Variants in C7orf57 observed in about 807,000 individuals in gnomAD.
The protein encoded by C7orf57 is chromosome 7 open reading frame 57, also known as uncharacterized protein C7orf57.
A neutral mutation model predicts 39.0 loss-of-function variants in C7orf57; 33 were observed. That is an observed-to-expected ratio of 0.85 (90% CI 0.64 to 1.13). The LOEUF (loss-of-function observed/expected upper bound fraction) is 1.13, where lower values mean the gene tolerates loss of function less well. C7orf57 is among the 50% of genes most tolerant of loss of function. The pLI is 0.00. For synonymous variants in C7orf57, 124 were observed against 137.1 expected, an observed-to-expected ratio of 0.90 and a Z score of 0.67; for missense variants, 346 against 362.3, an observed-to-expected ratio of 0.95 and a Z score of 0.37.
chr7:48,052,665 T>C (rs748693929), intron 6 of C7orf57, 35 bp from the exon 7 acceptor site: 14 of 1,561,670 alleles, frequency 9.0e-6, no homozygotes, highest in East Asian at 4.5e-5. Flanking sequence ...TTAACCCTTG[T>C]ACTTAAGTTT....
chr7:48,053,033 A>G (rs754213193), intron 7 of C7orf57, 110 bp downstream of exon 7: 2 of 879,296 alleles, frequency 2.3e-6, no homozygotes, highest in Non-Finnish European at 3.7e-6. Context: ...AGTAACCCAA[A>G]AACCATGTGA....
At chr7:48,055,697 T>C (rs1383137290) in intron 8 of C7orf57, among the ~76,000 whole-genome samples, 1 of 152,202 alleles carries the variant, frequency 6.6e-6, no homozygotes, top group Non-Finnish European at 1.5e-5. Flanking sequence ...AGATTCCATA[T>C]ATGGCTGCAA....
At chr7:48,051,257 C>G (rs1790865587) in intron 6 of C7orf57, among the ~76,000 whole-genome samples, 1 of 151,674 alleles carries the variant, frequency 6.6e-6, no homozygotes, top group East Asian at 1.9e-4. Flanking sequence ...ACTCAGCTCA[C>G]AGCAGCCTCC....
rs769210792 is a variant in C7orf57 at position 48,049,962 on chromosome 7, T to G, written c.590T>G (p.Leu197Arg). 3 of 1,611,372 alleles carry G rather than the reference T, an allele frequency of 1.9e-6. No individual in the cohort carries two copies. The highest frequency in any genetic ancestry group is 2.5e-6 in the Non-Finnish European group (3 of 1,177,656). ...CCTAAGAATCCTGCAGGAAGTAGACTCTCCTTCCCCCCCGTGTAAGTGCTT... is the reference window on the plus strand; with the variant it reads ...CCTAAGAATCCTGCAGGAAGTAGACGCTCCTTCCCCCCCGTGTAAGTGCTT... Reference protein sequence around the residue: ...LGPKNPAGSRLSFPPVPGQKN... With the variant: ...LGPKNPAGSRRSFPPVPGQKN... Residue 197 changes from leucine (L) to arginine (R), a missense_variant, in exon 6 of 9, where the codon CTC becomes CGC. By Grantham distance (102) the Leu-to-Arg change is moderately radical. Transcript: ENST00000348904.
Position 48,052,939 on chromosome 7 carries a change from C to G in C7orf57, c.829+16C>G, listed in dbSNP as rs752870838. On this transcript the variant is annotated intron_variant, in intron 7 of 8. Coordinates refer to ENST00000348904, the MANE Select transcript of C7orf57 (RefSeq NM_001100159.3). ...GACACCCCAGGTGAGGCACAAGCAG[C>G]CATCTGCATTTATTGGAGGCTTGGT... 8 of 1,588,088 alleles carry G rather than the reference C, an allele frequency of 5.0e-6. No individual in the cohort carries two copies. Among genetic ancestry groups the G allele is most frequent in the Admixed American group, 1.7e-5 (1 of 59,418 alleles).
At position 48,051,833 on chromosome 7, in the gene C7orf57, TTCTTTC is replaced by T. The variant is rs1447591467; in HGVS notation, c.606-865_606-860del. Among the ~76,000 whole-genome samples, 2 of 63,852 alleles carry T rather than the reference TTCTTTC, an allele frequency of 3.1e-5. 1 individual carries two copies. Among genetic ancestry groups the T allele is most frequent in the Non-Finnish European group, 6.3e-5 (2 of 31,840 alleles). 41.9% of individuals were successfully genotyped at this position (63,852 alleles called of 152,430 possible). A position where few individuals can be genotyped will look rare whatever the true frequency, so the allele number is the denominator to read the frequency against. ...TTTTCTCTTCTCTTTCTTTCTTTCT[TTCTTTC>T]TTTCTTTCTTTCTTTCTTTCTTTCT... On this transcript the variant is annotated intron_variant, in intron 6 of 8. Coordinates refer to ENST00000348904, the MANE Select transcript of C7orf57 (RefSeq NM_001100159.3).
intron 8 of C7orf57, 22 bp from the exon 9 acceptor site, chr7:48,060,204 A>C: frequency 6.7e-7 from 1 of 1,492,188 alleles, no homozygotes. Context: ...TTGTCTACTC[A>C]TTTATTTACT....
At chr7:48,043,898 C>T (rs1790630197) in intron 4 of C7orf57, among the ~76,000 whole-genome samples, 1 of 151,958 alleles carries the variant, frequency 6.6e-6, no homozygotes, top group Admixed American at 6.6e-5. Flanking sequence ...TGGCGGGCTG[C>T]TTCCAAGATG....
chr7:48,046,367 A>AG (rs1386842036), intron 4 of C7orf57, 93 bp from the exon 5 acceptor site: 1 of 1,147,378 alleles, frequency 8.7e-7, no homozygotes, highest in African/African-American at 1.6e-5. Context: ...AGAAGGAGGG[A>AG]GGGAAAGGGA....
At chr7:48,046,735 C>A (rs1001467870) in intron 5 of C7orf57, 119 bp downstream of exon 5, 1 of 1,084,368 alleles carries the variant, frequency 9.2e-7, no homozygotes, top group East Asian at 2.6e-5. Flanking sequence ...GCATCGGCCA[C>A]GTGCTCTGTA....
intron 6 of C7orf57, among the ~76,000 whole-genome samples, chr7:48,051,944 TTTTC>T (rs1234097655): frequency 3.6e-5 from 5 of 137,300 alleles, no homozygotes; most frequent in Non-Finnish European, 6.1e-5. Context: ...TCTCCTCTTT[TTTTC>T]TTTCTTTTTT....
At chr7:48,051,880 T>TTCCTTCCTTCC (rs1562630454) in intron 6 of C7orf57, among the ~76,000 whole-genome samples, 1 of 70,782 alleles carries the variant, frequency 1.4e-5, no homozygotes, top group African/African-American at 4.3e-5. Flanking sequence ...TCTCTTTCTC[T>TTCCTTCCTTCC]TTCTTTCTTT....
intron 3 of C7orf57, among the ~76,000 whole-genome samples, chr7:48,042,160 C>T (rs892356799): frequency 6.6e-6 from 1 of 152,228 alleles, no homozygotes; most frequent in African/African-American, 2.4e-5. Flanking sequence ...GCTGCCATTA[C>T]CCCTGTGGGG....
intron 7 of C7orf57, 133 bp from the exon 8 acceptor site, chr7:48,054,462 G>T: frequency 1.7e-4 from 76 of 448,262 alleles, no homozygotes; most frequent in East Asian, 2.3e-4. Flanking sequence ...ACTTTACAAT[G>T]TCAAGAGTGT....
At position 48,043,500 on chromosome 7, in the gene C7orf57, C is replaced by T. The variant is rs1790613292; in HGVS notation, c.261C>T (p.Ala87=). The T allele has an allele frequency of 6.2e-7, 1 of 1,613,708 alleles. No homozygotes were observed. Among genetic ancestry groups the T allele is most frequent in the Non-Finnish European group, 8.5e-7 (1 of 1,179,804 alleles). ...TTTGAGATTTGTTGAAGCACTTTGC[C>T]CCTGGAACCAGGAAAGGCTCTCCAG... ...GGRPDLLKHF[A]PGTRKGSPVA... The change falls in exon 4 of 9, where the codon GCC becomes GCT. Residue 87 remains alanine (A), a synonymous_variant. Coordinates refer to ENST00000348904, the MANE Select transcript of C7orf57 (RefSeq NM_001100159.3).
chr7:48,050,197 C>A (rs545865546), intron 6 of C7orf57, among the ~76,000 whole-genome samples: 12 of 152,308 alleles, frequency 7.9e-5, no homozygotes, highest in African/African-American at 2.6e-4. Flanking sequence ...CCAGGTCATG[C>A]TTGCTGCAGG....
At chr7:48,052,483 G>A (rs1790984406) in intron 6 of C7orf57, among the ~76,000 whole-genome samples, 1 of 152,048 alleles carries the variant, frequency 6.6e-6, no homozygotes, top group Non-Finnish European at 1.5e-5. Context: ...CACTTGCTAT[G>A]CTTAAAAATG....
chr7:48,053,358 A>T (rs375545586), intron 7 of C7orf57, among the ~76,000 whole-genome samples: 49 of 152,300 alleles, frequency 3.2e-4, no homozygotes, highest in African/African-American at 1.0e-3. Flanking sequence ...TTACTCCATT[A>T]TTGGCATGTC....
intron 6 of C7orf57, among the ~76,000 whole-genome samples, chr7:48,051,347 ATTT>A (rs71006546): frequency 1.1e-4 from 8 of 69,780 alleles, no homozygotes; most frequent in Non-Finnish European, 1.5e-4. Context: ...CAGCTGGCTA[ATTT>A]TTTTTTTTTT....
Sources: allele counts gnomAD v4.1 joint callset (sites outside exome capture counted in the v4.1 genomes callset), GRCh38; gene constraint gnomAD v4.1.1; transcripts MANE v1.5; gene names NCBI Gene and HGNC (gene_info 2026-07-23, HGNC 2026-07-21).